Variants in SKAP2 observed in about 807,000 individuals in gnomAD.
SKAP2 encodes the protein src kinase associated phosphoprotein 2, also known as src kinase-associated phosphoprotein 2.
Under a neutral mutation model 54.9 loss-of-function variants are expected in SKAP2, and 28 were observed. The ratio of observed to expected loss-of-function variants is 0.51; its 90% CI spans 0.38 to 0.70. The LOEUF is 0.70. Among genes scored for constraint, SKAP2 ranks in the 30% least tolerant of loss-of-function variants. SKAP2 has a pLI of 0.00. For synonymous variants in SKAP2, 137 were observed against 134.3 expected, an observed-to-expected ratio of 1.02 and a Z score of -0.14; for missense variants, 356 against 424.1, an observed-to-expected ratio of 0.84 and a Z score of 1.41.
At chr7:26,767,968 C>T (rs1386097404) in intron 4 of SKAP2, among the ~76,000 whole-genome samples, 1 of 152,084 alleles carries the variant, frequency 6.6e-6, no homozygotes, top group Non-Finnish European at 1.5e-5. Flanking sequence ...CTATAGATGT[C>T]TTATTAGGTC....
Position 26,836,011 on chromosome 7 carries a change from C to G in SKAP2, c.307+8019G>C, listed in dbSNP as rs186468195. Among the ~76,000 whole-genome samples, 6 of 152,216 alleles carry G rather than the reference C, an allele frequency of 3.9e-5. No homozygotes were observed. The East Asian group carries it at 1.2e-3, about 29-fold the overall frequency. ...AAAACAGATACATAGACCAACGGAA[C>G]AGAAAAGAGGCCACAGAAATAATGC... On this transcript the variant is annotated intron_variant, in intron 4 of 12. Coordinates refer to ENST00000345317, the MANE Select transcript of SKAP2 (RefSeq NM_003930.5).
At chr7:26,676,129 A>G (rs1462052923) in intron 11 of SKAP2, among the ~76,000 whole-genome samples, 2 of 152,322 alleles carry the variant, frequency 1.3e-5, no homozygotes, top group African/African-American at 2.4e-5. Flanking sequence ...ATATATATCA[A>G]TAAGTCTAAT....
intron 4 of SKAP2, among the ~76,000 whole-genome samples, chr7:26,814,564 A>C (rs1335631122): frequency 1.2e-5 from 1 of 82,758 alleles, no homozygotes; most frequent in Middle Eastern, 5.4e-3. Context: ...TTACACCAGC[A>C]AAAAAAAAAA....
chr7:26,658,672 C>A, the SKAP2 span, among the ~76,000 whole-genome samples: 1 of 152,128 alleles, frequency 6.6e-6, no homozygotes, highest in Non-Finnish European at 1.5e-5. Flanking sequence ...GTCACCAACA[C>A]AGGCATCACA....
chr7:26,665,591 A>G (rs1234141085), downstream of SKAP2, among the ~76,000 whole-genome samples: 4 of 152,174 alleles, frequency 2.6e-5, no homozygotes, highest in Admixed American at 2.0e-4. Flanking sequence ...ATGTTTGTGT[A>G]TAAGTAATGG....
chr7:26,780,468 A>G (rs1783403749), intron 4 of SKAP2, among the ~76,000 whole-genome samples: 1 of 152,104 alleles, frequency 6.6e-6, no homozygotes, highest in Non-Finnish European at 1.5e-5. Context: ...TGTTACAACT[A>G]CTTACTTCTT....
At chr7:26,677,522 A>C (rs1786378276) in intron 11 of SKAP2, among the ~76,000 whole-genome samples, 1 of 152,112 alleles carries the variant, frequency 6.6e-6, no homozygotes, top group African/African-American at 2.4e-5. Flanking sequence ...TTTTATATGT[A>C]ATAGACACAG....
chr7:26,752,369 C>A (rs901620412), intron 4 of SKAP2, among the ~76,000 whole-genome samples: 1 of 152,140 alleles, frequency 6.6e-6, no homozygotes, highest in Non-Finnish European at 1.5e-5. Context: ...TTTCATAGGG[C>A]TGTTTTGTAT....
intron 4 of SKAP2, among the ~76,000 whole-genome samples, chr7:26,837,202 G>A (rs1413497196): frequency 6.6e-6 from 1 of 152,106 alleles, no homozygotes; most frequent in Admixed American, 6.6e-5. Flanking sequence ...GGGGGCTAGG[G>A]GAGGGATAGC....
At position 26,701,174 on chromosome 7, in the gene SKAP2, G is replaced by A. The variant is rs930426722; in HGVS notation, c.797-10812C>T. 2.6e-5 allele frequency among the ~76,000 whole-genome samples: 4 copies of A among 152,244 alleles called. No individual in the cohort carries two copies. The South Asian group carries it at 8.3e-4, about 32-fold the overall frequency. On this transcript the variant is annotated intron_variant, in intron 9 of 12. Transcript: ENST00000345317. Reference sequence around the variant, plus strand: ...AGAAGGAGTTTGTTTTGGCTAGCTAGGTATTTTATTTGAATCTTTGTCAAT... The same window carrying A: ...AGAAGGAGTTTGTTTTGGCTAGCTAAGTATTTTATTTGAATCTTTGTCAAT...
chr7:26,704,141 C>T (rs543556139), intron 9 of SKAP2, among the ~76,000 whole-genome samples: 1 of 152,258 alleles, frequency 6.6e-6, no homozygotes, highest in African/African-American at 2.4e-5. Flanking sequence ...TAAAAAAATG[C>T]TCCTTTGAAA....
At chr7:26,718,631 G>A (rs578116411) in intron 9 of SKAP2, among the ~76,000 whole-genome samples, 64 of 151,884 alleles carry the variant, frequency 4.2e-4, no homozygotes, top group South Asian at 1.3e-3. Context: ...TCAGCACCCC[G>A]AGTAGCCGGG....
intron 4 of SKAP2, among the ~76,000 whole-genome samples, chr7:26,812,975 G>A (rs963345823): frequency 1.3e-5 from 2 of 151,960 alleles, no homozygotes; most frequent in Non-Finnish European, 2.9e-5. Context: ...TTCTATTAAA[G>A]GTAAGTTCAT....
intron 11 of SKAP2, 97 bp downstream of exon 11, chr7:26,684,639 C>T: frequency 1.5e-6 from 1 of 676,972 alleles, no homozygotes; most frequent in South Asian, 1.8e-5. Flanking sequence ...AGAAGAATTC[C>T]AATTGGCATT....
At chr7:26,833,583 T>C (rs182907384) in intron 4 of SKAP2, among the ~76,000 whole-genome samples, 246 of 152,094 alleles carry the variant, frequency 1.6e-3, no homozygotes, top group African/African-American at 5.5e-3. Context: ...TAGTCTCTGA[T>C]AAAACAGACA....
At chr7:26,798,826 AAT>A (rs1179182442) in intron 4 of SKAP2, among the ~76,000 whole-genome samples, 1 of 152,212 alleles carries the variant, frequency 6.6e-6, no homozygotes, top group African/African-American at 2.4e-5. Flanking sequence ...TGCTTATTCA[AAT>A]AGTGTTGTTT....
chr7:26,771,336 G>C (rs1783184001), intron 4 of SKAP2, among the ~76,000 whole-genome samples: 1 of 152,134 alleles, frequency 6.6e-6, no homozygotes, highest in South Asian at 2.1e-4. Context: ...AATTTGAACT[G>C]TTGTCCAAAT....
At chr7:26,817,536 G>T (rs1411669319) in intron 4 of SKAP2, among the ~76,000 whole-genome samples, 1 of 152,108 alleles carries the variant, frequency 6.6e-6, no homozygotes, top group Non-Finnish European at 1.5e-5. Context: ...CAAAGGATTA[G>T]AATTCCAGTT....
intron 4 of SKAP2, among the ~76,000 whole-genome samples, chr7:26,798,355 G>A (rs1783829632): frequency 6.6e-6 from 1 of 151,468 alleles, no homozygotes; most frequent in Admixed American, 6.6e-5. Context: ...AAATATGAAG[G>A]AGAAACCAAA....
Sources: allele counts gnomAD v4.1 joint callset (sites outside exome capture counted in the v4.1 genomes callset), GRCh38; gene constraint gnomAD v4.1.1; transcripts MANE v1.5; gene names NCBI Gene and HGNC (gene_info 2026-07-23, HGNC 2026-07-21).